Variants in CCND1 observed in about 807,000 individuals in gnomAD.
CCND1 encodes G1/S-specific cyclin-D1.
In CCND1, 9 loss-of-function variants were observed where a neutral mutation model predicts 26.1. The observed-to-expected ratio is 0.35, with a 90% CI of 0.21 to 0.60. The LOEUF (loss-of-function observed/expected upper bound fraction) is 0.60. CCND1 is among the 20% of genes least tolerant of loss of function. The pLI is 0.79. For missense variants in CCND1, 335 were observed against 392.9 expected (o/e 0.85, Z 1.25); for synonymous variants, 194 against 166.1 (o/e 1.17, Z -1.29).
At position 69,653,569 on chromosome 11, in the gene CCND1, C is replaced by G. The variant is rs534546330; in HGVS notation, c.*2287C>G. The G allele has an allele frequency of 1.9e-6, 1 of 535,020 alleles. No individual in the cohort carries two copies. Among genetic ancestry groups the G allele is most frequent in the Non-Finnish European group, 3.3e-6 (1 of 304,992 alleles). The allele number at this position is 535,020 out of a possible 1,614,324, so 33.1% of individuals were successfully genotyped here. A position where few individuals can be genotyped will look rare whatever the true frequency, so the allele number is the denominator to read the frequency against. The stretch of plus-strand genomic sequence containing the variant: ...CTGCTTTGGCGGGCAGACACGCGGG[C>G]GCGATCCCACACAGGCTGGCGGGGG... On this transcript the variant is annotated 3_prime_UTR_variant, in exon 5 of 5. Transcript: ENST00000227507.
rs2120120818 is a variant in CCND1 at position 69,651,234 on chromosome 11, G to A, written c.840G>A (p.Glu280=). The A allele has an allele frequency of 6.3e-7, 1 of 1,598,368 alleles. No individual in the cohort carries two copies. The part of the protein sequence containing the change: ...AAEEEEEEEE[E]VDLACTPTDV... Reference sequence around the variant, plus strand: ...AGGAGGAGGAAGAGGAGGAGGAGGAGGTGGACCTGGCTTGCACACCCACCG... The same window carrying A: ...AGGAGGAGGAAGAGGAGGAGGAGGAAGTGGACCTGGCTTGCACACCCACCG... The change falls in exon 5 of 5, where the codon GAG becomes GAA. Residue 280 remains glutamate (E), a synonymous_variant. Coordinates refer to ENST00000227507, the MANE Select transcript of CCND1 (RefSeq NM_053056.3).
At chr11:69,644,141 A>G (rs1303641065) in intron 3 of CCND1, 150 bp downstream of exon 3, 1 of 751,536 alleles carries the variant, frequency 1.3e-6, no homozygotes, top group East Asian at 2.7e-5. Context: ...AGCTCTGGTG[A>G]GCAGAGGCCC....
rs1035365934 is a variant in CCND1, at chr11:69,653,530, C to A, written c.*2248C>A. On this transcript the variant is annotated 3_prime_UTR_variant, in exon 5 of 5. Transcript: ENST00000227507. ...CTTCACTTAGCCATGGTGGACCCAG[C>A]GGGCAGGTTCTGCCTGCTTTGGCGG... is the stretch of plus-strand genomic sequence containing the variant. 2 of 551,140 alleles carry A rather than the reference C, an allele frequency of 3.6e-6. No homozygotes were observed. Among genetic ancestry groups the A allele is most frequent in the East Asian group, 3.1e-5 (1 of 31,928 alleles). The allele number at this position is 551,140 out of a possible 1,614,324, so 34.1% of individuals were successfully genotyped here.
Position 69,654,109 on chromosome 11 carries a change from G to A in CCND1, c.*2827G>A, listed in dbSNP as rs764129482. On this transcript the variant is annotated 3_prime_UTR_variant, in exon 5 of 5. Transcript: ENST00000227507. The surrounding 1 kb of genome is among the most constrained non-coding windows in gnomAD (Gnocchi z 6.3). ...CATCCTGTGCTCGGAGGCCATCTCG[G>A]GCACAGGCCCACCCCGCCCCACCCC... is the stretch of plus-strand genomic sequence containing the variant. 2.6e-4 allele frequency: 172 copies of A among 658,180 alleles called. 1 individual carries two copies. Among genetic ancestry groups the A allele is most frequent in the Non-Finnish European group, 4.1e-4 (149 of 361,748 alleles). 40.8% of individuals were successfully genotyped at this position (658,180 alleles called of 1,614,324 possible). A position where few individuals can be genotyped will look rare whatever the true frequency, so the allele number is the denominator to read the frequency against.
rs773892778 is a variant in CCND1, at chr11:69,643,841, C to T, written c.424C>T (p.Leu142=). ...CACCCTGTGTTCGCAGCAAATGGAGCTGCTCCTGGTGAACAAGCTCAAGTG... is the reference window on the plus strand; with the variant it reads ...CACCCTGTGTTCGCAGCAAATGGAGTTGCTCCTGGTGAACAAGCTCAAGTG... ...IRPEELLQME[L]LLVNKLKWNL... Residue 142 remains leucine (L), a synonymous_variant, in exon 3 of 5, where the codon CTG becomes TTG. Coordinates refer to ENST00000227507, the MANE Select transcript of CCND1 (RefSeq NM_053056.3). 2.5e-6 allele frequency: 4 copies of T among 1,608,568 alleles called. No individual in the cohort carries two copies. The East Asian group carries it at 8.9e-5, about 36-fold the overall frequency.
intron 3 of CCND1, among the ~76,000 whole-genome samples, chr11:69,646,540 C>A (rs751179224): frequency 6.6e-6 from 1 of 152,192 alleles, no homozygotes; most frequent in Non-Finnish European, 1.5e-5. Flanking sequence ...CCCTTGTTCC[C>A]GGGCGCTCAG....
chr11:69,641,645 G>A (rs1177275976), intron 1 of CCND1, 134 bp downstream of exon 1: 7 of 777,030 alleles, frequency 9.0e-6, no homozygotes, highest in South Asian at 1.7e-5. Flanking sequence ...CTAGGGATCC[G>A]TATTTTCAAA....
Position 69,651,307 on chromosome 11 carries a change from C to A in CCND1, c.*25C>A, listed in dbSNP as rs753482335. The A allele has an allele frequency of 6.9e-7, 1 of 1,445,140 alleles. No individual in the cohort carries two copies. The allele number at this position is 1,445,140 out of a possible 1,614,324, so 89.5% of individuals were successfully genotyped here. On this transcript the variant is annotated 3_prime_UTR_variant, in exon 5 of 5. Coordinates refer to ENST00000227507, the MANE Select transcript of CCND1 (RefSeq NM_053056.3). ...AGGGCGCCAGGCAGGCGGGCGCCAC[C>A]GCCACCCGCAGCGAGGGCGGAGCCG...
chr11:69,646,622 A>G (rs1195456748), intron 3 of CCND1, among the ~76,000 whole-genome samples: 1 of 152,188 alleles, frequency 6.6e-6, no homozygotes, highest in Non-Finnish European at 1.5e-5. Flanking sequence ...CTCCCAGCCC[A>G]GGGCCCCTGG....
rs940450146 is a variant in CCND1, at chr11:69,653,614, C to A, written c.*2332C>A. 2.1e-6 allele frequency: 1 copy of A among 469,876 alleles called. No homozygotes were observed. Among genetic ancestry groups the A allele is most frequent in the Non-Finnish European group, 3.8e-6 (1 of 265,290 alleles). 29.1% of individuals were successfully genotyped at this position (469,876 alleles called of 1,614,324 possible). Reference sequence around the variant, plus strand: ...CGGGGGCCGGCCCCGAGGCCGCGTGCGTGAGAACCGCGCCGGTGTCCCCAG... The same window carrying A: ...CGGGGGCCGGCCCCGAGGCCGCGTGAGTGAGAACCGCGCCGGTGTCCCCAG... On this transcript the variant is annotated 3_prime_UTR_variant, in exon 5 of 5. Transcript: ENST00000227507.
At chr11:69,643,399 G>T in intron 2 of CCND1, 153 bp downstream of exon 2, 1 of 578,884 alleles carries the variant, frequency 1.7e-6, no homozygotes, top group Non-Finnish European at 2.8e-6. Flanking sequence ...CCTGTCCGGG[G>T]AGCGGGCGGG....
chr11:69,651,374 T>C lies in CCND1; in HGVS notation c.*92T>C, dbSNP rs1855853982. On this transcript the variant is annotated 3_prime_UTR_variant, in exon 5 of 5. Coordinates refer to ENST00000227507, the MANE Select transcript of CCND1 (RefSeq NM_053056.3). ...TGACAGTCCCTCCTCTCCGGAGCAT[T>C]TTGATACCAGAAGGGAAAGCTTCAT... 1 of 1,092,998 alleles carries C rather than the reference T, an allele frequency of 9.1e-7. No homozygotes were observed. The highest frequency in any genetic ancestry group is 2.2e-5 in the South Asian group (1 of 45,630). 67.7% of individuals were successfully genotyped at this position (1,092,998 alleles called of 1,614,324 possible).
intron 4 of CCND1, among the ~76,000 whole-genome samples, chr11:69,650,116 A>G (rs773502368): frequency 4.6e-5 from 7 of 152,192 alleles, no homozygotes; most frequent in African/African-American, 7.2e-5. Context: ...TTGGGAGTTA[A>G]GTGGCACCTG....
rs1855741153 is a variant in CCND1, at chr11:69,643,664, C to T, written c.415-168C>T. 4.0e-5 allele frequency: 24 copies of T among 606,382 alleles called. No individual in the cohort carries two copies. In the South Asian group the frequency reaches 5.4e-4, roughly 14 times the overall value. 37.6% of individuals were successfully genotyped at this position (606,382 alleles called of 1,614,324 possible). The stretch of plus-strand genomic sequence containing the variant: ...GCGTGTTGCCCCAGCTCCCTTGAGT[C>T]CCCAGCATTCGCCAGCCCTCCCCTC... On this transcript the variant is annotated intron_variant, in intron 2 of 4. Transcript: ENST00000227507.
chr11:69,653,232 TTTC>T lies in CCND1; in HGVS notation c.*1953_*1955del. 1 of 700,234 alleles carries T rather than the reference TTTC, an allele frequency of 1.4e-6. No homozygotes were observed. Among genetic ancestry groups the T allele is most frequent in the African/African-American group, 1.7e-5 (1 of 57,200 alleles). 43.4% of individuals were successfully genotyped at this position (700,234 alleles called of 1,614,324 possible). A position where few individuals can be genotyped will look rare whatever the true frequency, so the allele number is the denominator to read the frequency against. ...CACCGGGGACAGGCCGCAGCTCCATTTTCTTATTGCGCTGCTACCGTTGACTTC... is the reference window on the plus strand; with the variant it reads ...CACCGGGGACAGGCCGCAGCTCCATTTTATTGCGCTGCTACCGTTGACTTC... On this transcript the variant is annotated 3_prime_UTR_variant, in exon 5 of 5. Coordinates refer to ENST00000227507, the MANE Select transcript of CCND1 (RefSeq NM_053056.3).
At chr11:69,651,096 C>G in intron 4 of CCND1, 22 bp from the exon 5 acceptor site, 1 of 1,607,552 alleles carries the variant, frequency 6.2e-7, no homozygotes, top group East Asian at 2.3e-5. Flanking sequence ...CTTCCCACCT[C>G]TCCCCACCCT....
At position 69,643,178 on chromosome 11, in the gene CCND1, A is replaced by G. The variant is rs1855731768; in HGVS notation, c.346A>G (p.Thr116Ala). 6.2e-7 allele frequency: 1 copy of G among 1,607,892 alleles called. No individual in the cohort carries two copies. The highest frequency in any genetic ancestry group is 8.5e-7 in the Non-Finnish European group (1 of 1,177,578). Residue 116 changes from threonine to alanine, a missense_variant, in exon 2 of 5, where the codon ACC becomes GCC. Coordinates refer to ENST00000227507, the MANE Select transcript of CCND1 (RefSeq NM_053056.3). ...GTTCGTGGCCTCTAAGATGAAGGAG[A>G]CCATCCCCCTGACGGCCGAGAAGCT... ...CMFVASKMKE[T>A]IPLTAEKLCI... is the part of the protein sequence containing the mutation.
At chr11:69,646,396 C>A (rs1855781167) in intron 3 of CCND1, among the ~76,000 whole-genome samples, 1 of 152,138 alleles carries the variant, frequency 6.6e-6, no homozygotes, top group South Asian at 2.1e-4. Context: ...TCGCCGGCGG[C>A]CCTCTCTTTA....
chr11:69,649,154 C>T (rs1409867133), intron 4 of CCND1, among the ~76,000 whole-genome samples: 1 of 152,190 alleles, frequency 6.6e-6, no homozygotes, highest in African/African-American at 2.4e-5. Context: ...GCCAGCAGCC[C>T]GCAGCTCTCT....
Sources: allele counts gnomAD v4.1 joint callset (sites outside exome capture counted in the v4.1 genomes callset), GRCh38; gene constraint gnomAD v4.1.1; non-coding constraint Gnocchi (gnomAD v3.1); transcripts MANE v1.5; gene names NCBI Gene and HGNC (gene_info 2026-07-23, HGNC 2026-07-21).